The following ST6GALNAC5 variants were observed in gnomAD, a reference collection of about 807,000 sequenced individuals.
ST6GALNAC5 encodes alpha-N-acetylgalactosaminide alpha-2,6-sialyltransferase 5.
Under a neutral mutation model 33.6 loss-of-function variants are expected in ST6GALNAC5, and 27 were observed. The ratio of observed to expected loss-of-function variants is 0.80; its 90% CI spans 0.59 to 1.11. The LOEUF is 1.11. Among genes scored for constraint, ST6GALNAC5 ranks in the 50% least tolerant of loss-of-function variants. ST6GALNAC5 has a pLI of 0.00. For synonymous variants in ST6GALNAC5, 194 were observed against 171.2 expected, an observed-to-expected ratio of 1.13 and a Z score of -1.04; for missense variants, 428 against 454.0, an observed-to-expected ratio of 0.94 and a Z score of 0.52.
chr1:76,889,372 C>T (rs1418738873), intron 2 of ST6GALNAC5, among the ~76,000 whole-genome samples: 1 of 152,022 alleles, frequency 6.6e-6, no homozygotes, highest in African/African-American at 2.4e-5. Context: ...CCATGATTAC[C>T]ATCATTCCTT....
At chr1:76,980,480 T>C (rs930859230) in intron 2 of ST6GALNAC5, among the ~76,000 whole-genome samples, 6 of 152,232 alleles carry the variant, frequency 3.9e-5, no homozygotes, top group African/African-American at 1.4e-4. Context: ...AAGGTATATT[T>C]TGAGGCATAT....
intron 2 of ST6GALNAC5, among the ~76,000 whole-genome samples, chr1:76,899,502 C>G (rs1050695914): frequency 1.3e-5 from 2 of 152,094 alleles, no homozygotes; most frequent in Admixed American, 6.5e-5. Context: ...TCCTGCCCCT[C>G]CCCCAGAAAA....
At chr1:77,041,220 C>T (rs1651820827) in intron 2 of ST6GALNAC5, among the ~76,000 whole-genome samples, 1 of 152,232 alleles carries the variant, frequency 6.6e-6, no homozygotes, top group South Asian at 2.1e-4. Flanking sequence ...TGTTCTCTCA[C>T]CTCTCTGGCT....
In ST6GALNAC5 at chr1:76,941,661, G is replaced by A. The variant is rs74092239; in HGVS notation, c.261+72919G>A. On this transcript the variant is annotated intron_variant, in intron 2 of 4. Transcript: ENST00000477717. ...ACATGGATACAGAGAAGAGGAGAAG[G>A]CCATGGGAAGACGGAGGCAGAGACT... Among the ~76,000 whole-genome samples the A allele has an allele frequency of 3.8e-3, 577 of 152,192 alleles. 5 individuals carry two copies. The highest frequency in any genetic ancestry group is 0.013 in the African/African-American group (554 of 41,554).
chr1:76,904,695 T>C (rs9659921), intron 2 of ST6GALNAC5, among the ~76,000 whole-genome samples: 75,264 of 151,824 alleles, frequency 0.5, 19,307 homozygotes, highest in African/African-American at 0.62. Flanking sequence ...CAGGATGGCA[T>C]ATGCCTGTAA....
At chr1:76,998,801 A>G (rs1320369439) in intron 2 of ST6GALNAC5, among the ~76,000 whole-genome samples, 1 of 152,214 alleles carries the variant, frequency 6.6e-6, no homozygotes, top group Non-Finnish European at 1.5e-5. Context: ...TTTTGTAATT[A>G]TAGACCGCAG....
intron 2 of ST6GALNAC5, among the ~76,000 whole-genome samples, chr1:76,916,682 C>T (rs1344014099): frequency 4.6e-5 from 7 of 151,764 alleles, no homozygotes; most frequent in South Asian, 2.1e-4. Context: ...AAAATCTAGA[C>T]GGTGTGTCAT....
At chr1:76,940,267 C>A (rs1032640261) in intron 2 of ST6GALNAC5, among the ~76,000 whole-genome samples, 1 of 151,974 alleles carries the variant, frequency 6.6e-6, no homozygotes, top group African/African-American at 2.4e-5. Flanking sequence ...TAGTCTTATA[C>A]CTGGCATGAA....
At chr1:76,946,085 C>T (rs1286443607) in intron 2 of ST6GALNAC5, among the ~76,000 whole-genome samples, 1 of 152,018 alleles carries the variant, frequency 6.6e-6, no homozygotes, top group Non-Finnish European at 1.5e-5. Flanking sequence ...TCAAAATTAT[C>T]CAGTGACCTT....
chr1:76,952,823 A>T (rs1647805640), intron 2 of ST6GALNAC5, among the ~76,000 whole-genome samples: 1 of 152,114 alleles, frequency 6.6e-6, no homozygotes, highest in Admixed American at 6.6e-5. Context: ...ACCATAAAGG[A>T]ACACCCTCCC....
intron 3 of ST6GALNAC5, among the ~76,000 whole-genome samples, chr1:77,047,052 G>T (rs1186239763): frequency 2.6e-5 from 4 of 152,196 alleles, no homozygotes; most frequent in Non-Finnish European, 5.9e-5. Context: ...GTCCTGGCTG[G>T]TACGGAGGGA....
chr1:76,891,341 T>C (rs1358465079), intron 2 of ST6GALNAC5, among the ~76,000 whole-genome samples: 2 of 152,214 alleles, frequency 1.3e-5, no homozygotes, highest in Non-Finnish European at 2.9e-5. Context: ...ATTTATTTAA[T>C]GAAGCATGAT....
At position 77,065,315 on chromosome 1, in the gene ST6GALNAC5, A is replaced by C. The variant is rs1482287600; in HGVS notation, c.*2109A>C. On this transcript the variant is annotated 3_prime_UTR_variant, in exon 5 of 5. Transcript: ENST00000477717. ...TGTAATTATATTGCTTCATCTAATA[A>C]TATCTCACATATCTGTCTATCTTCA... is the stretch of plus-strand genomic sequence containing the variant. 34 of 152,188 alleles carry C rather than the reference A, an allele frequency of 2.2e-4. No individual in the cohort carries two copies. Among genetic ancestry groups the C allele is most frequent in the Admixed American group, 2.0e-3 (31 of 15,274 alleles). The allele number at this position is 152,188 out of a possible 1,614,324, so 9.4% of individuals were successfully genotyped here. A position where few individuals can be genotyped will look rare whatever the true frequency, so the allele number is the denominator to read the frequency against.
At chr1:76,872,114 C>A (rs1653522653) in intron 2 of ST6GALNAC5, among the ~76,000 whole-genome samples, 3 of 131,400 alleles carry the variant, frequency 2.3e-5, no homozygotes, top group Admixed American at 2.2e-4. Context: ...CACACACACA[C>A]ACACCACACA....
rs184384188 is a variant in ST6GALNAC5 at position 76,947,170 on chromosome 1, T to C, written c.261+78428T>C. 3.6e-3 allele frequency among the ~76,000 whole-genome samples: 543 copies of C among 152,254 alleles called. 9 individuals carry two copies. Among genetic ancestry groups the C allele is most frequent in the Admixed American group, 0.032 (484 of 15,276 alleles). The stretch of plus-strand genomic sequence containing the variant: ...AACCAACCAAAGTTTAGGGTGAATA[T>C]GTTTTATACATCTAGGTCAATGATA... On this transcript the variant is annotated intron_variant, in intron 2 of 4. Transcript: ENST00000477717.
intron 2 of ST6GALNAC5, among the ~76,000 whole-genome samples, chr1:77,020,267 A>AT (rs1211610510): frequency 3.3e-5 from 5 of 152,202 alleles, no homozygotes; most frequent in Admixed American, 6.5e-5. Context: ...TCTAAGACAC[A>AT]TTTGAGACTG....
intron 2 of ST6GALNAC5, among the ~76,000 whole-genome samples, chr1:76,910,813 T>A (rs1429293102): frequency 6.6e-6 from 1 of 151,934 alleles, no homozygotes; most frequent in Non-Finnish European, 1.5e-5. Context: ...AAAATCCCAG[T>A]GACTATAAAA....
chr1:76,936,632 G>T (rs866998322), intron 2 of ST6GALNAC5, among the ~76,000 whole-genome samples: 7 of 152,194 alleles, frequency 4.6e-5, no homozygotes, highest in South Asian at 4.1e-4. Flanking sequence ...CTATGGCGTA[G>T]TTCCCTTTGT....
Position 76,868,982 on chromosome 1 carries a change from C to A in ST6GALNAC5, c.261+240C>A. 1.8e-6 allele frequency: 1 copy of A among 568,876 alleles called. No individual in the cohort carries two copies. The allele number at this position is 568,876 out of a possible 1,614,324, so 35.2% of individuals were successfully genotyped here. On this transcript the variant is annotated intron_variant, in intron 2 of 4. Transcript: ENST00000477717. The surrounding 1 kb of genome is among the most constrained non-coding windows in gnomAD (Gnocchi z 4.3). ...TGCGTGGACCCCAAAGCCTAATTTC[C>A]CAGCAGAAATCGGCCCTGGAACTAG...
Sources: allele counts gnomAD v4.1 joint callset (sites outside exome capture counted in the v4.1 genomes callset), GRCh38; gene constraint gnomAD v4.1.1; non-coding constraint Gnocchi (gnomAD v3.1); transcripts MANE v1.5; gene names NCBI Gene and HGNC (gene_info 2026-07-23, HGNC 2026-07-21).